PKNOX2: variants seen among roughly 807,000 people sequenced by gnomAD.
PKNOX2 encodes PBX/knotted 1 homeobox 2.
A neutral mutation model predicts 53.1 loss-of-function variants in PKNOX2; 14 were observed. The ratio of observed to expected loss-of-function variants is 0.26; its 90% confidence interval spans 0.17 to 0.41. The LOEUF (loss-of-function observed/expected upper bound fraction) is 0.41, where lower values mean the gene tolerates loss of function less well. Among genes scored for constraint, PKNOX2 ranks in the 10% least tolerant of loss-of-function variants. The probability of loss-of-function intolerance (pLI) is 1.00; values close to 1 mark genes in which losing one functional copy is unlikely to be tolerated. For synonymous variants in PKNOX2, 257 were observed against 242.8 expected (o/e 1.06, Z -0.54); for missense variants, 496 against 602.8 (o/e 0.82, Z 1.85).
Position 125,241,909 on chromosome 11 carries a change from G to A in PKNOX2, c.-130+6794G>A, listed in dbSNP as rs542880853. Among the ~76,000 whole-genome samples the A allele has an allele frequency of 8.5e-5, 13 of 152,164 alleles. No individual in the cohort carries two copies. In the East Asian group the frequency reaches 2.3e-3, roughly 27 times the overall value. ...AAGAGAGAGAGAGAGAAAGGATGAA[G>A]GATGAATGTATGATTCAAGGTGAAG... On this transcript the variant is annotated intron_variant, in intron 2 of 12. Transcript: ENST00000298282.
At chr11:125,222,627 G>GTA (rs1225021984) in intron 1 of PKNOX2, among the ~76,000 whole-genome samples, 3 of 149,142 alleles carry the variant, frequency 2.0e-5, no homozygotes, top group African/African-American at 7.6e-5. Context: ...GTGTGTATGT[G>GTA]TGTGTGTATG....
At chr11:125,393,351 A>T (rs2135429897) in intron 6 of PKNOX2, among the ~76,000 whole-genome samples, 1 of 152,308 alleles carries the variant, frequency 6.6e-6, no homozygotes, top group South Asian at 2.1e-4. Flanking sequence ...GGCACTTTAC[A>T]TTAAGGCGGG....
chr11:125,292,519 C>T (rs1947367498), intron 2 of PKNOX2, among the ~76,000 whole-genome samples: 1 of 152,154 alleles, frequency 6.6e-6, no homozygotes, highest in Non-Finnish European at 1.5e-5. Context: ...AATGTTGATT[C>T]TGGGTTCTGG....
At chr11:125,348,396 T>C (rs1271649271) in intron 3 of PKNOX2, among the ~76,000 whole-genome samples, 2 of 152,236 alleles carry the variant, frequency 1.3e-5, no homozygotes, top group African/African-American at 4.8e-5. Context: ...AAAGGCCTCC[T>C]GTTCTCTTGC....
chr11:125,390,238 C>G (rs1034148188), intron 6 of PKNOX2, among the ~76,000 whole-genome samples: 12 of 152,358 alleles, frequency 7.9e-5, no homozygotes, highest in South Asian at 6.2e-4. Flanking sequence ...CCACAAGGCA[C>G]ATGTTACTAT....
At chr11:125,195,698 A>G (rs1251004857) in intron 1 of PKNOX2, among the ~76,000 whole-genome samples, 1 of 152,174 alleles carries the variant, frequency 6.6e-6, no homozygotes, top group Non-Finnish European at 1.5e-5. Context: ...TCTCCTTTTT[A>G]CAACACTGAG....
At chr11:125,173,243 G>C (rs1257956828) in intron 1 of PKNOX2, among the ~76,000 whole-genome samples, 2 of 152,202 alleles carry the variant, frequency 1.3e-5, no homozygotes, top group African/African-American at 2.4e-5. Flanking sequence ...TCCTAATAAA[G>C]CTCATTCTCA....
At chr11:125,280,845 C>T (rs552556380) in intron 2 of PKNOX2, among the ~76,000 whole-genome samples, 25 of 152,328 alleles carry the variant, frequency 1.6e-4, no homozygotes, top group African/African-American at 5.8e-4. Context: ...GGGTGATGGA[C>T]ATCTGTGGCT....
intron 2 of PKNOX2, among the ~76,000 whole-genome samples, chr11:125,328,888 G>C (rs964253579): frequency 2.0e-5 from 3 of 152,306 alleles, no homozygotes; most frequent in Admixed American, 6.5e-5. Context: ...CAAGGGAAAG[G>C]CATCTCTCAT....
Position 125,165,146 on chromosome 11 carries a change from C to CCCGCCGCCG in PKNOX2, c.-201+385_-201+393dup, listed in dbSNP as rs538787205. ...CTCCCCTGCCCGGCCAGCGCTCAGC[C>CCCGCCGCCG]CCGCCGCCGCCGCCGCCGCCGCCTC... On this transcript the variant is annotated intron_variant, in intron 1 of 12. Coordinates refer to ENST00000298282, the MANE Select transcript of PKNOX2 (RefSeq NM_001382323.2). This position sits in a 1 kb window ranked among gnomAD's most constrained non-coding sequence, Gnocchi z 4.5. Among the ~76,000 whole-genome samples the CCCGCCGCCG allele has an allele frequency of 2.4e-4, 36 of 147,888 alleles. No homozygotes were observed. Among genetic ancestry groups the CCCGCCGCCG allele is most frequent in the Middle Eastern group, 3.4e-3 (1 of 292 alleles).
chr11:125,419,452 G>GA (rs11309457), intron 10 of PKNOX2, among the ~76,000 whole-genome samples: 10,762 of 137,680 alleles, frequency 0.078, 488 homozygotes, highest in African/African-American at 0.1. Context: ...GAAAAAAAAA[G>GA]AAAAAAAAAA....
intron 1 of PKNOX2, among the ~76,000 whole-genome samples, chr11:125,175,129 T>G (rs987188486): frequency 6.6e-6 from 1 of 152,078 alleles, no homozygotes; most frequent in African/African-American, 2.4e-5. Flanking sequence ...ACTTCTAGAT[T>G]GTAGGGGGAG....
rs553765689 is a variant in PKNOX2, at chr11:125,215,573, G to A, written c.-200-19472G>A. On this transcript the variant is annotated intron_variant, in intron 1 of 12. Transcript: ENST00000298282. ...TCAAGACCAGCCTGACCAACACGGC[G>A]AAACCCCATCTCTACTAAAAATACA... is the stretch of plus-strand genomic sequence containing the variant. Among the ~76,000 whole-genome samples the A allele has an allele frequency of 3.3e-5, 5 of 152,020 alleles. No homozygotes were observed. In the East Asian group the frequency reaches 5.8e-4, roughly 18 times the overall value.
chr11:125,258,846 T>G (rs1248502776), intron 2 of PKNOX2: 1 of 361,066 alleles, frequency 2.8e-6, no homozygotes, highest in East Asian at 1.0e-4. Flanking sequence ...TTGGGTCCCC[T>G]GGGGATGCAG....
At chr11:125,419,012 G>A (rs1408622271) in intron 10 of PKNOX2, among the ~76,000 whole-genome samples, 1 of 151,946 alleles carries the variant, frequency 6.6e-6, no homozygotes, top group Non-Finnish European at 1.5e-5. Context: ...GGACACTGGA[G>A]GTTGACTCTC....
chr11:125,248,371 G>T (rs1943718271), intron 2 of PKNOX2, among the ~76,000 whole-genome samples: 2 of 152,246 alleles, frequency 1.3e-5, no homozygotes, highest in Middle Eastern at 6.8e-3. Flanking sequence ...CAGCAGCTCT[G>T]TCGGGTCCCA....
intron 2 of PKNOX2, among the ~76,000 whole-genome samples, chr11:125,273,296 G>A (rs926683332): frequency 2.6e-5 from 4 of 152,216 alleles, no homozygotes; most frequent in Non-Finnish European, 5.9e-5. Context: ...AGCAAACAGA[G>A]CCCAGCTTCT....
At chr11:125,316,871 A>ACTCAC (rs1160579507) in intron 2 of PKNOX2, among the ~76,000 whole-genome samples, 3 of 152,120 alleles carry the variant, frequency 2.0e-5, no homozygotes, top group Admixed American at 2.0e-4. Flanking sequence ...GTATTGACAG[A>ACTCAC]CTCACCGTCT....
At chr11:125,304,836 A>AGTTTCT (rs1400344880) in intron 2 of PKNOX2, among the ~76,000 whole-genome samples, 6 of 152,204 alleles carry the variant, frequency 3.9e-5, no homozygotes, top group African/African-American at 1.4e-4. Context: ...TTAGAGATAC[A>AGTTTCT]TCTGTGAAGA....
Sources: gnomAD v4.1 joint callset for allele counts (sites outside exome capture counted in the v4.1 genomes callset) on GRCh38, gnomAD v4.1.1 for gene constraint, Gnocchi (gnomAD v3.1) non-coding constraint, MANE v1.5 for transcripts, NCBI Gene and HGNC (gene_info 2026-07-23, HGNC 2026-07-21) for gene names.